Variants in UBN1 observed in about 807,000 individuals in gnomAD.
UBN1 encodes ubinuclein 1.
UBN1 carries 17 observed loss-of-function variants against 108.5 expected under a neutral mutation model. That is an observed-to-expected ratio of 0.16 (90% CI 0.11 to 0.24). The LOEUF is 0.24. UBN1 is among the 10% of genes least tolerant of loss of function. The probability of loss-of-function intolerance (pLI) is 1.00; values close to 1 mark genes in which losing one functional copy is unlikely to be tolerated. For missense variants in UBN1, 1,595 were observed against 1,394.4 expected (o/e 1.14, Z -2.29); for synonymous variants, 726 against 564.2 (o/e 1.29, Z -4.07).
intron 2 of UBN1, among the ~76,000 whole-genome samples, chr16:4,854,650 G>A (rs141886943): frequency 6.6e-6 from 1 of 151,888 alleles, no homozygotes; most frequent in African/African-American, 2.4e-5. Context: ...ATAGGCGTGA[G>A]TCACCGCACC....
chr16:4,856,175 G>A (rs1397948490), intron 2 of UBN1, among the ~76,000 whole-genome samples: 1 of 152,212 alleles, frequency 6.6e-6, no homozygotes, highest in Non-Finnish European at 1.5e-5. Context: ...AACCAAATCA[G>A]CAGGTCAACT....
chr16:4,856,719 A>G lies in UBN1; in HGVS notation c.250-1271A>G, dbSNP rs1330226512. Among the ~76,000 whole-genome samples the G allele has an allele frequency of 3.3e-5, 5 of 152,348 alleles. No homozygotes were observed. In the East Asian group the frequency reaches 5.8e-4, roughly 18 times the overall value. On this transcript the variant is annotated intron_variant, in intron 2 of 17. Coordinates refer to ENST00000262376, the MANE Select transcript of UBN1 (RefSeq NM_001079514.3). Reference sequence around the variant, plus strand: ...GCGTTCAGTAGTATACATAGAATCCAGTGCTGCTCAAGGTTGGTGGGATTT... The same window carrying G: ...GCGTTCAGTAGTATACATAGAATCCGGTGCTGCTCAAGGTTGGTGGGATTT...
intron 8 of UBN1, among the ~76,000 whole-genome samples, chr16:4,869,431 G>C (rs548504070): frequency 6.6e-6 from 1 of 152,358 alleles, no homozygotes; most frequent in Admixed American, 6.5e-5. Flanking sequence ...AAACAGATGA[G>C]CAAACATTTG....
intron 8 of UBN1, among the ~76,000 whole-genome samples, chr16:4,869,126 T>C (rs3813749): frequency 0.56 from 85,136 of 152,072 alleles, 25,172 homozygotes; most frequent in African/African-American, 0.75. Flanking sequence ...ATAGACCTCC[T>C]TGATCTTAGG....
intron 7 of UBN1, among the ~76,000 whole-genome samples, chr16:4,867,801 A>C (rs779874230): frequency 1.3e-5 from 2 of 151,986 alleles, no homozygotes; most frequent in Non-Finnish European, 2.9e-5. Flanking sequence ...AGTGTCTGCA[A>C]TTTCAGAGGG....
chr16:4,877,586 T>A lies in UBN1; in HGVS notation c.3355+112T>A. On this transcript the variant is annotated intron_variant, in intron 17 of 17. Coordinates refer to ENST00000262376, the MANE Select transcript of UBN1 (RefSeq NM_001079514.3). This position sits in a 1 kb window ranked among gnomAD's most constrained non-coding sequence, Gnocchi z 4.3. Reference sequence around the variant, plus strand: ...GGTGTCTTTGCCTTGACGCTGTTGTTGTTTTGGTTTGTCCTTTGAGGCTGT... The same window carrying A: ...GGTGTCTTTGCCTTGACGCTGTTGTAGTTTTGGTTTGTCCTTTGAGGCTGT... 1.4e-6 allele frequency: 2 copies of A among 1,447,246 alleles called. No homozygotes were observed. Among genetic ancestry groups the A allele is most frequent in the South Asian group, 2.9e-5 (2 of 67,918 alleles). 89.7% of individuals were successfully genotyped at this position (1,447,246 alleles called of 1,614,324 possible). A position where few individuals can be genotyped will look rare whatever the true frequency, so the allele number is the denominator to read the frequency against.
At chr16:4,851,813 C>A (rs1164651756) in intron 1 of UBN1, among the ~76,000 whole-genome samples, 4 of 151,730 alleles carry the variant, frequency 2.6e-5, no homozygotes, top group African/African-American at 9.7e-5. Flanking sequence ...AACAGCGAGA[C>A]CCTAGCTCAA....
Position 4,852,987 on chromosome 16 carries a change from T to C in UBN1, c.70T>C (p.Ser24Pro), listed in dbSNP as rs370569710. ...CCTGAATCCTGCGTTTTTGAAGAAG[T>C]CCCGGAAGGAGGAGGCTGGGGCAGG... ...GSLNPAFLKK[S>P]RKEEAGAGEQ... The change falls in exon 2 of 18, where the codon TCC (serine) becomes CCC (proline). Residue 24 changes from serine to proline, a missense_variant. Physicochemically the swap from Ser to Pro is moderately conservative, Grantham distance 74. Coordinates refer to ENST00000262376, the MANE Select transcript of UBN1 (RefSeq NM_001079514.3). The C allele has an allele frequency of 1.2e-6, 2 of 1,613,976 alleles. No individual in the cohort carries two copies. The highest frequency in any genetic ancestry group is 1.7e-6 in the Non-Finnish European group (2 of 1,180,026).
chr16:4,874,694 G>C lies in UBN1; in HGVS notation c.2284G>C (p.Glu762Gln). The change falls in exon 15 of 18, where the codon GAG becomes CAG. Residue 762 changes from glutamate to glutamine, a missense_variant. Transcript: ENST00000262376. ...AAAACCAGAGAGTTCTGGCTACAAAGAGCTGTCCTGCCAGGCTCCCCTCAA... is the reference window on the plus strand; with the variant it reads ...AAAACCAGAGAGTTCTGGCTACAAACAGCTGTCCTGCCAGGCTCCCCTCAA... ...EKKPESSGYKELSCQAPLNKG... is the reference protein window; with the variant it reads ...EKKPESSGYKQLSCQAPLNKG... 6.2e-7 allele frequency: 1 copy of C among 1,613,982 alleles called. No individual in the cohort carries two copies.
Position 4,858,080 on chromosome 16 carries a change from A to C in UBN1, c.336+4A>C, listed in dbSNP as rs764534294. ...CCGAAAATTTGAAGAAAAATACGTA[A>C]GATTTCTCTCTTGAATAACAAAACA... On this transcript the variant is annotated splice_donor_region_variant and intron_variant, in intron 3 of 17. Transcript: ENST00000262376. 1 of 1,600,884 alleles carries C rather than the reference A, an allele frequency of 6.2e-7. No homozygotes were observed. Among genetic ancestry groups the C allele is most frequent in the South Asian group, 1.1e-5 (1 of 90,650 alleles).
At chr16:4,864,075 C>CT (rs796516323) in intron 7 of UBN1, among the ~76,000 whole-genome samples, 18,916 of 86,456 alleles carry the variant, frequency 0.22, 2,831 homozygotes, top group African/African-American at 0.34. Flanking sequence ...TTGTTGTTGC[C>CT]TTTTTTTTTT....
chr16:4,867,965 C>G (rs968030935), intron 7 of UBN1, among the ~76,000 whole-genome samples: 2 of 152,160 alleles, frequency 1.3e-5, no homozygotes, highest in Admixed American at 1.3e-4. Context: ...TTTTGCACAT[C>G]AGTGTTCCCA....
At chr16:4,870,438 T>C in intron 9 of UBN1, 78 bp from the exon 10 acceptor site, 1 of 1,610,378 alleles carries the variant, frequency 6.2e-7, no homozygotes, top group Non-Finnish European at 8.5e-7. Context: ...CACTGCCTCC[T>C]TGTGATCACC....
At chr16:4,858,976 G>T in intron 4 of UBN1, 49 bp from the exon 5 acceptor site, 1 of 1,601,662 alleles carries the variant, frequency 6.2e-7, no homozygotes, top group South Asian at 1.1e-5. Context: ...TTGCACCTTC[G>T]GACTGCAGAA....
chr16:4,847,910 G>T lies in UBN1; in HGVS notation c.-340G>T, dbSNP rs1207301157. 1 of 152,482 alleles carries T rather than the reference G, an allele frequency of 6.6e-6. No homozygotes were observed. The highest frequency in any genetic ancestry group is 1.5e-5 in the Non-Finnish European group (1 of 68,252). 9.4% of individuals were successfully genotyped at this position (152,482 alleles called of 1,614,324 possible). A position where few individuals can be genotyped will look rare whatever the true frequency, so the allele number is the denominator to read the frequency against. ...TTTCGGAGGCGCCGTCTGAGCGCGG[G>T]GTCCCGCGCCGCAAGTTCTCCTGGG... On this transcript the variant is annotated 5_prime_UTR_variant, in exon 1 of 18. Transcript: ENST00000262376.
At position 4,877,887 on chromosome 16, in the gene UBN1, G is replaced by T. The variant is rs2142297790; in HGVS notation, c.3355+413G>T. 1.1e-6 allele frequency: 1 copy of T among 951,652 alleles called. No individual in the cohort carries two copies. The highest frequency in any genetic ancestry group is 1.3e-6 in the Non-Finnish European group (1 of 798,002). 59.0% of individuals were successfully genotyped at this position (951,652 alleles called of 1,614,324 possible). A position where few individuals can be genotyped will look rare whatever the true frequency, so the allele number is the denominator to read the frequency against. ...GTCTTGGAATGCAAGCTGCTCCACT[G>T]TCAGATGTGATTGCTTAACAGAAGG... On this transcript the variant is annotated intron_variant, in intron 17 of 17. Transcript: ENST00000262376. The surrounding 1 kb of genome is among the most constrained non-coding windows in gnomAD (Gnocchi z 4.3).
chr16:4,869,172 G>C (rs1261265800), intron 8 of UBN1, among the ~76,000 whole-genome samples: 1 of 152,242 alleles, frequency 6.6e-6, no homozygotes, highest in Non-Finnish European at 1.5e-5. Context: ...ATCATGGCCT[G>C]TTAGAAGAGG....
chr16:4,857,216 G>GT (rs967092624), intron 2 of UBN1, among the ~76,000 whole-genome samples: 3 of 151,854 alleles, frequency 2.0e-5, no homozygotes, highest in African/African-American at 7.3e-5. Flanking sequence ...TAGGCATAGT[G>GT]TTGTATGCCT....
chr16:4,871,631 G>A (rs1173194900), intron 12 of UBN1, among the ~76,000 whole-genome samples: 1 of 140,374 alleles, frequency 7.1e-6, no homozygotes, highest in African/African-American at 2.7e-5. Context: ...CTGTTGCCTG[G>A]GCTGGAGTGC....
Sources: allele counts gnomAD v4.1 joint callset (sites outside exome capture counted in the v4.1 genomes callset), GRCh38; gene constraint gnomAD v4.1.1; non-coding constraint Gnocchi (gnomAD v3.1); transcripts MANE v1.5; gene names NCBI Gene and HGNC (gene_info 2026-07-23, HGNC 2026-07-21).